AFG2A: variants seen among roughly 807,000 people sequenced by gnomAD.
The protein encoded by AFG2A is AAA ATPase AFG2A.
chr4:123,012,836 G>C, the AFG2A span, among the ~76,000 whole-genome samples: 1 of 152,120 alleles, frequency 6.6e-6, no homozygotes, highest in Non-Finnish European at 1.5e-5. Flanking sequence ...TCCTTGGGCT[G>C]GTTAGTCTGA....
the AFG2A span, among the ~76,000 whole-genome samples, chr4:122,987,205 C>G: frequency 6.6e-6 from 1 of 151,984 alleles, no homozygotes; most frequent in African/African-American, 2.4e-5. Flanking sequence ...ATGCAAATAG[C>G]AATCAAAATA....
chr4:123,198,368 G>A, the AFG2A span, among the ~76,000 whole-genome samples: 52 of 152,076 alleles, frequency 3.4e-4, 1 homozygote, highest in African/African-American at 1.1e-3. Flanking sequence ...TATTGTGAAG[G>A]GTGTGTATAT....
the AFG2A span, among the ~76,000 whole-genome samples, chr4:122,965,321 G>A: frequency 1.3e-5 from 2 of 152,212 alleles, no homozygotes; most frequent in African/African-American, 4.8e-5. Flanking sequence ...GGGACAAGAT[G>A]ATGTTTGTTG....
the AFG2A span, among the ~76,000 whole-genome samples, chr4:123,088,364 A>T: frequency 1.3e-5 from 2 of 152,206 alleles, no homozygotes; most frequent in African/African-American, 4.8e-5. Context: ...AGCAGAGTAG[A>T]TACAATTAAA....
the AFG2A span, among the ~76,000 whole-genome samples, chr4:123,133,300 C>T: frequency 1.3e-5 from 2 of 152,084 alleles, no homozygotes; most frequent in Non-Finnish European, 2.9e-5. Flanking sequence ...ACATTGGTTA[C>T]GGGGCTTATC....
chr4:123,190,339 G>A, the AFG2A span, among the ~76,000 whole-genome samples: 6 of 152,194 alleles, frequency 3.9e-5, no homozygotes, highest in South Asian at 4.1e-4. Flanking sequence ...GGAAACATAT[G>A]TGTCACATTT....
the AFG2A span, among the ~76,000 whole-genome samples, chr4:122,940,476 GTTGT>G: frequency 5.2e-3 from 790 of 152,200 alleles, 2 homozygotes; most frequent in African/African-American, 0.017. Context: ...TTTTGATGGG[GTTGT>G]TTGTTTTTTT....
chr4:123,233,395 T>C, the AFG2A span, among the ~76,000 whole-genome samples: 1 of 152,056 alleles, frequency 6.6e-6, no homozygotes, highest in Non-Finnish European at 1.5e-5. Context: ...GTTCTGGTTA[T>C]ATTTTCCTTC....
chr4:123,177,795 C>T, the AFG2A span, among the ~76,000 whole-genome samples: 1 of 152,148 alleles, frequency 6.6e-6, no homozygotes, highest in African/African-American at 2.4e-5. Flanking sequence ...TTTCCAGTGC[C>T]CTTTCCAGTG....
At chr4:123,307,638 A>G in the AFG2A span, among the ~76,000 whole-genome samples, 1 of 152,224 alleles carries the variant, frequency 6.6e-6, no homozygotes, top group African/African-American at 2.4e-5. Context: ...CGCCATTTGC[A>G]TAATTTTCTT....
the AFG2A span, among the ~76,000 whole-genome samples, chr4:123,072,589 G>A: frequency 5.9e-5 from 9 of 152,274 alleles, no homozygotes; most frequent in East Asian, 1.3e-3. Flanking sequence ...GATGTTGTTA[G>A]ACTCTTTAAA....
At chr4:123,188,510 G>A in the AFG2A span, among the ~76,000 whole-genome samples, 1 of 152,100 alleles carries the variant, frequency 6.6e-6, no homozygotes, top group East Asian at 1.9e-4. Context: ...CAAACTGTTC[G>A]TCGATCATAG....
the AFG2A span, among the ~76,000 whole-genome samples, chr4:123,154,345 C>T: frequency 3.3e-5 from 5 of 151,736 alleles, no homozygotes; most frequent in Non-Finnish European, 7.4e-5. Context: ...CCACAGATGA[C>T]AAGAGAAAGG....
At chr4:123,098,741 C>T in the AFG2A span, among the ~76,000 whole-genome samples, 5 of 152,000 alleles carry the variant, frequency 3.3e-5, no homozygotes, top group East Asian at 9.6e-4. Flanking sequence ...GTATACATAC[C>T]ACATTTTCTT....
At chr4:122,983,365 TTC>T in the AFG2A span, among the ~76,000 whole-genome samples, 1 of 152,182 alleles carries the variant, frequency 6.6e-6, no homozygotes, top group Non-Finnish European at 1.5e-5. Context: ...ACTTATTTTG[TTC>T]TTTTTCTATT....
chr4:123,140,733 A>C, the AFG2A span, among the ~76,000 whole-genome samples: 1 of 152,132 alleles, frequency 6.6e-6, no homozygotes, highest in Non-Finnish European at 1.5e-5. Context: ...TAATCTTAAC[A>C]TTATATAACA....
chr4:122,997,572 T>C, the AFG2A span, among the ~76,000 whole-genome samples: 6 of 152,322 alleles, frequency 3.9e-5, no homozygotes, highest in Admixed American at 2.6e-4. Flanking sequence ...TTCTACTTTT[T>C]GGCTATTATG....
At chr4:123,277,256 G>A in the AFG2A span, among the ~76,000 whole-genome samples, 1 of 152,120 alleles carries the variant, frequency 6.6e-6, no homozygotes, top group African/African-American at 2.4e-5. Context: ...GAGTGGGATT[G>A]CATTCCAGAT....
chr4:123,276,174 C>G, the AFG2A span, among the ~76,000 whole-genome samples: 1 of 152,158 alleles, frequency 6.6e-6, no homozygotes, highest in South Asian at 2.1e-4. Context: ...TTAATAATAG[C>G]CACTCTGACT....
Sources: allele counts gnomAD v4.1 joint callset (sites outside exome capture counted in the v4.1 genomes callset), GRCh38; gene constraint gnomAD v4.1.1; transcripts MANE v1.5; gene names NCBI Gene and HGNC (gene_info 2026-07-23, HGNC 2026-07-21).